Variants in WWOX observed in about 807,000 individuals in gnomAD.
The protein encoded by WWOX is WW domain containing oxidoreductase.
Under a neutral mutation model 46.2 loss-of-function variants are expected in WWOX, and 69 were observed. The ratio of observed to expected loss-of-function variants is 1.49; its 90% CI spans 1.23 to 1.82. The LOEUF (loss-of-function observed/expected upper bound fraction) is 1.82, where lower values mean the gene tolerates loss of function less well. Ranked by LOEUF, WWOX falls within the 40% of genes most tolerant of loss-of-function variation. WWOX has a pLI of 0.00. For missense variants in WWOX, 919 were observed against 542.6 expected (o/e 1.69, Z -6.89); for synonymous variants, 359 against 202.6 (o/e 1.77, Z -6.56).
At chr16:78,570,422 C>A (rs1327639186) in intron 8 of WWOX, among the ~76,000 whole-genome samples, 1 of 152,124 alleles carries the variant, frequency 6.6e-6, no homozygotes, top group Non-Finnish European at 1.5e-5. Context: ...GATCCTCATG[C>A]CTTAGTCTCC....
chr16:79,097,305 A>G (rs776140760), intron 8 of WWOX, among the ~76,000 whole-genome samples: 5 of 151,026 alleles, frequency 3.3e-5, no homozygotes, highest in Non-Finnish European at 5.9e-5. Context: ...CCGAGATGCC[A>G]TTCGCAATCC....
intron 8 of WWOX, among the ~76,000 whole-genome samples, chr16:78,800,080 G>T (rs2050847047): frequency 6.6e-6 from 1 of 152,052 alleles, no homozygotes; most frequent in Non-Finnish European, 1.5e-5. Context: ...CTTCGGGTTG[G>T]CTCTGAGATG....
At chr16:79,103,831 C>G (rs913033491) in intron 8 of WWOX, among the ~76,000 whole-genome samples, 1 of 151,982 alleles carries the variant, frequency 6.6e-6, no homozygotes, top group Non-Finnish European at 1.5e-5. Context: ...GCATCTTATG[C>G]CATCATGCAC....
At chr16:78,670,467 C>T (rs1041310887) in intron 8 of WWOX, among the ~76,000 whole-genome samples, 1 of 152,054 alleles carries the variant, frequency 6.6e-6, no homozygotes, top group South Asian at 2.1e-4. Context: ...GAGAAACTTA[C>T]CAGTGGTGTG....
At chr16:79,141,895 C>T (rs1436353079) in intron 8 of WWOX, among the ~76,000 whole-genome samples, 1 of 152,002 alleles carries the variant, frequency 6.6e-6, no homozygotes, top group East Asian at 1.9e-4. Flanking sequence ...ACAGGGCGGG[C>T]CAGAAGGAAG....
At chr16:78,213,086 C>T (rs1002057975) in intron 5 of WWOX, among the ~76,000 whole-genome samples, 94 of 151,880 alleles carry the variant, frequency 6.2e-4, no homozygotes, top group African/African-American at 2.1e-3. Flanking sequence ...AACTCCATGT[C>T]TACTAATAAC....
intron 8 of WWOX, among the ~76,000 whole-genome samples, chr16:79,107,230 C>T (rs989822678): frequency 3.3e-5 from 5 of 151,908 alleles, no homozygotes; most frequent in East Asian, 3.9e-4. Flanking sequence ...CACGAATCAC[C>T]GCGCCCAGCC....
intron 8 of WWOX, among the ~76,000 whole-genome samples, chr16:79,123,637 C>G (rs970475541): frequency 6.6e-6 from 1 of 152,148 alleles, no homozygotes; most frequent in Non-Finnish European, 1.5e-5. Flanking sequence ...GACCCCAAGG[C>G]TCCAGGCTTT....
At chr16:78,665,760 C>T (rs1045594344) in intron 8 of WWOX, among the ~76,000 whole-genome samples, 1 of 152,176 alleles carries the variant, frequency 6.6e-6, no homozygotes, top group Non-Finnish European at 1.5e-5. Flanking sequence ...TCTCAGCTCA[C>T]TGCAACCTCC....
chr16:78,838,129 C>CT (rs2052040885), intron 8 of WWOX, among the ~76,000 whole-genome samples: 2 of 152,146 alleles, frequency 1.3e-5, no homozygotes, highest in Admixed American at 1.3e-4. Flanking sequence ...GAGCCTCCTC[C>CT]TTCAACTCTG....
chr16:78,952,345 T>G (rs549852558), intron 8 of WWOX, among the ~76,000 whole-genome samples: 3 of 152,154 alleles, frequency 2.0e-5, no homozygotes, highest in African/African-American at 7.2e-5. Flanking sequence ...AGCAATGCAC[T>G]GAGCTGCAGT....
At chr16:79,153,324 C>G (rs1372061052) in intron 8 of WWOX, among the ~76,000 whole-genome samples, 1 of 152,124 alleles carries the variant, frequency 6.6e-6, no homozygotes, top group Non-Finnish European at 1.5e-5. Flanking sequence ...TCTAGAGTCA[C>G]ATGAGTCACG....
chr16:79,039,927 C>G (rs894795712), intron 8 of WWOX, among the ~76,000 whole-genome samples: 1 of 152,198 alleles, frequency 6.6e-6, no homozygotes, highest in Non-Finnish European at 1.5e-5. Context: ...CTGGGGTTCT[C>G]TTGAGTACAT....
chr16:78,230,852 C>G (rs2037239669), intron 5 of WWOX, among the ~76,000 whole-genome samples: 1 of 152,220 alleles, frequency 6.6e-6, no homozygotes, highest in Non-Finnish European at 1.5e-5. Context: ...ATATATTTTC[C>G]ACACATTTAG....
chr16:78,509,363 C>G (rs527551310), intron 8 of WWOX, among the ~76,000 whole-genome samples: 1 of 151,790 alleles, frequency 6.6e-6, no homozygotes, highest in Non-Finnish European at 1.5e-5. Context: ...CGCTTGAACC[C>G]GGGAGGCGGA....
chr16:78,341,228 A>G (rs2081008146), intron 5 of WWOX, among the ~76,000 whole-genome samples: 1 of 100,620 alleles, frequency 9.9e-6, no homozygotes, highest in Non-Finnish European at 2.3e-5. Flanking sequence ...TCTCACTGTA[A>G]TTCCTGGGCT....
chr16:78,997,751 G>T (rs1226436756), intron 8 of WWOX, among the ~76,000 whole-genome samples: 1 of 152,006 alleles, frequency 6.6e-6, no homozygotes, highest in African/African-American at 2.4e-5. Flanking sequence ...GCTGGCTTTA[G>T]AGAGGATAGC....
chr16:78,751,376 C>T (rs977094368), intron 8 of WWOX, among the ~76,000 whole-genome samples: 1 of 148,928 alleles, frequency 6.7e-6, no homozygotes, highest in Non-Finnish European at 1.5e-5. Flanking sequence ...TATAGTAACA[C>T]ACCTCTGTCC....
At chr16:79,033,007 A>T (rs1406370370) in intron 8 of WWOX, among the ~76,000 whole-genome samples, 2 of 151,698 alleles carry the variant, frequency 1.3e-5, no homozygotes, top group Non-Finnish European at 2.9e-5. Context: ...CTTATAAGTG[A>T]GAACATATGG....
Sources: gnomAD v4.1 joint callset for allele counts (sites outside exome capture counted in the v4.1 genomes callset) on GRCh38, gnomAD v4.1.1 for gene constraint, MANE v1.5 for transcripts, NCBI Gene and HGNC (gene_info 2026-07-23, HGNC 2026-07-21) for gene names.